Variants in SIRPG observed in about 807,000 individuals in gnomAD.
The protein encoded by SIRPG is signal-regulatory protein gamma.
Under a neutral mutation model 35.7 loss-of-function variants are expected in SIRPG, and 38 were observed. That is an observed-to-expected ratio of 1.06 (90% CI 0.82 to 1.40). The LOEUF (loss-of-function observed/expected upper bound fraction) is 1.40. Among genes scored for constraint, SIRPG ranks in the 40% most tolerant of loss-of-function variants. The probability of loss-of-function intolerance (pLI) is 0.00; values close to 1 mark genes in which losing one functional copy is unlikely to be tolerated. For missense variants in SIRPG, 519 were observed against 483.0 expected, an observed-to-expected ratio of 1.07 and a Z score of -0.70; for synonymous variants, 215 against 190.4, an observed-to-expected ratio of 1.13 and a Z score of -1.06.
At position 1,631,450 on chromosome 20, in the gene SIRPG, G is replaced by A. The variant is rs1055100337; in HGVS notation, c.1082-1144C>T. 5.9e-5 allele frequency among the ~76,000 whole-genome samples: 9 copies of A among 152,232 alleles called. No homozygotes were observed. The South Asian group carries it at 8.3e-4, about 14-fold the overall frequency. On this transcript the variant is annotated intron_variant, in intron 4 of 5. Coordinates refer to ENST00000303415, the MANE Select transcript of SIRPG (RefSeq NM_018556.4). ...ACGCTCTCAGCCCTTGGGATCCTCC[G>A]CAGGAGCAGCTGGGTCTTTGTTCTA...
At chr20:1,681,596 C>G in the SIRPG span, among the ~76,000 whole-genome samples, 1 of 152,156 alleles carries the variant, frequency 6.6e-6, no homozygotes, top group African/African-American at 2.4e-5. Flanking sequence ...CTTTGGAAGG[C>G]TGAGGTGGGC....
upstream of SIRPG, among the ~76,000 whole-genome samples, chr20:1,659,650 G>A (rs2091991069): frequency 6.6e-6 from 1 of 152,252 alleles, no homozygotes. Flanking sequence ...GGCACATGGA[G>A]AGTAATGAAT....
At chr20:1,651,265 C>A (rs932778318) in intron 1 of SIRPG, 12 of 152,216 alleles carry the variant, frequency 7.9e-5, no homozygotes, top group African/African-American at 2.9e-4. Context: ...GAGCACCCTG[C>A]CAAACCAGGT....
chr20:1,649,159 C>T lies in SIRPG; in HGVS notation c.323G>A (p.Ser108Asn), dbSNP rs62641735. ...TGTGCCGACATCTGCTGGGGTGATG[C>T]TACTGATGCGGATGGAAAAGTCCAT... ...NNMDFSIRISSITPADVGTYY... is the reference protein window; with the variant it reads ...NNMDFSIRISNITPADVGTYY... The change falls in exon 2 of 6, where the codon AGC becomes AAC. Residue 108 changes from serine to asparagine, a missense_variant. By Grantham distance (46) the Ser-to-Asn change is conservative. Transcript: ENST00000303415. 1,290 of 1,614,058 alleles carry T rather than the reference C, an allele frequency of 8.0e-4. 10 individuals are homozygous for T. In the African/African-American group the frequency reaches 0.014, roughly 18 times the overall value.
chr20:1,651,819 T>A (rs1474602242), intron 1 of SIRPG, among the ~76,000 whole-genome samples: 1 of 152,178 alleles, frequency 6.6e-6, no homozygotes, highest in Non-Finnish European at 1.5e-5. Context: ...CTAAAATGTG[T>A]ATCCTATTCC....
At chr20:1,671,102 A>G in the SIRPG span, 2 of 427,014 alleles carry the variant, frequency 4.7e-6, no homozygotes, top group East Asian at 7.3e-5. Flanking sequence ...GTGGTGTTTC[A>G]GGGGGAGAAG....
At chr20:1,686,343 C>A in the SIRPG span, among the ~76,000 whole-genome samples, 122,852 of 152,062 alleles carry the variant, frequency 0.81, 49,885 homozygotes, top group East Asian at 1. Context: ...TGTGCATCCC[C>A]GCAGCAGAAT....
chr20:1,649,309 A>G lies in SIRPG; in HGVS notation c.173T>C (p.Leu58Pro). Reference protein sequence around the residue: ...TATLHCTVTSLLPVGPVLWFR... With the variant: ...TATLHCTVTSPLPVGPVLWFR... ...CCACAGGACGGGTCCCACGGGAAGC[A>G]GGGAGGTCACAGTGCAGTGCAGAGT... is the stretch of plus-strand genomic sequence containing the variant. The change falls in exon 2 of 6, where the codon CTG (leucine) becomes CCG (proline). Residue 58 changes from leucine (L) to proline (P), a missense_variant. By Grantham distance (98) the Leu-to-Pro change is moderately conservative. Transcript: ENST00000303415. 6.2e-7 allele frequency: 1 copy of G among 1,614,152 alleles called. No homozygotes were observed. Among genetic ancestry groups the G allele is most frequent in the Non-Finnish European group, 8.5e-7 (1 of 1,180,022 alleles).
chr20:1,666,714 T>C, the SIRPG span: 1 of 152,158 alleles, frequency 6.6e-6, no homozygotes, highest in African/African-American at 2.4e-5. Flanking sequence ...AAAGTCTACA[T>C]AGGGTAGTTT....
chr20:1,664,672 C>T, the SIRPG span, among the ~76,000 whole-genome samples: 33 of 152,148 alleles, frequency 2.2e-4, no homozygotes, highest in Admixed American at 1.8e-3. Flanking sequence ...TGGGAAAACA[C>T]GTCCAGGTTT....
At chr20:1,657,111 GGA>G in intron 1 of SIRPG, among the ~76,000 whole-genome samples, 1 of 152,276 alleles carries the variant, frequency 6.6e-6, no homozygotes, top group Admixed American at 6.5e-5. Flanking sequence ...GACACATGGA[GGA>G]GATGGCCTTC....
At chr20:1,649,485 A>T (rs567729294) in intron 1 of SIRPG, 77 bp from the exon 2 acceptor site, 22 of 1,333,554 alleles carry the variant, frequency 1.6e-5, no homozygotes, top group Non-Finnish European at 2.2e-5. Flanking sequence ...AAAGATATTC[A>T]GTGACTGGGT....
intron 1 of SIRPG, among the ~76,000 whole-genome samples, chr20:1,654,071 C>G (rs1051799300): frequency 2.0e-5 from 3 of 151,908 alleles, no homozygotes; most frequent in African/African-American, 7.3e-5. Context: ...AACCTTGTCT[C>G]TACTGAAAAT....
chr20:1,670,858 G>T, the SIRPG span: 1 of 259,806 alleles, frequency 3.8e-6, no homozygotes. Context: ...ATGGGATTGG[G>T]CTAGGAGTGA....
At chr20:1,659,233 A>C (rs2091989790), upstream of SIRPG, among the ~76,000 whole-genome samples, 1 of 152,238 alleles carries the variant, frequency 6.6e-6, no homozygotes, top group Non-Finnish European at 1.5e-5. Flanking sequence ...TCTATGACTA[A>C]GAAAGACCTG....
the SIRPG span, chr20:1,670,852 G>C: frequency 4.7e-6 from 1 of 213,060 alleles, no homozygotes; most frequent in African/African-American, 2.3e-5. Context: ...CCAGATATGG[G>C]ATTGGGCTAG....
At chr20:1,671,092 G>A in the SIRPG span, 13 of 430,646 alleles carry the variant, frequency 3.0e-5, no homozygotes, top group South Asian at 2.4e-4. Flanking sequence ...CCATTTCAGG[G>A]TGGTGTTTCA....
chr20:1,679,941 G>T, the SIRPG span, among the ~76,000 whole-genome samples: 1 of 152,140 alleles, frequency 6.6e-6, no homozygotes, highest in Non-Finnish European at 1.5e-5. Context: ...CTAAAGTGGG[G>T]ATCATGTCTC....
the SIRPG span, among the ~76,000 whole-genome samples, chr20:1,678,185 T>A: frequency 2.0e-5 from 3 of 152,290 alleles, no homozygotes; most frequent in South Asian, 6.2e-4. Flanking sequence ...CATCCTCACA[T>A]GTGCTTCTCT....
Sources: gnomAD v4.1 joint callset for allele counts (sites outside exome capture counted in the v4.1 genomes callset) on GRCh38, gnomAD v4.1.1 for gene constraint, MANE v1.5 for transcripts, NCBI Gene and HGNC (gene_info 2026-07-23, HGNC 2026-07-21) for gene names.